Variants in GCN1 observed in about 807,000 individuals in gnomAD.
GCN1 encodes GCN1 activator of EIF2AK4.
Under a neutral mutation model 288.4 loss-of-function variants are expected in GCN1, and 90 were observed. The ratio of observed to expected loss-of-function variants is 0.31; its 90% CI spans 0.26 to 0.37. GCN1 has a LOEUF of 0.37. Ranked by LOEUF, GCN1 falls within the 10% of genes least tolerant of loss-of-function variation. The pLI is 1.00. For synonymous variants in GCN1, 1,386 were observed against 1,420.2 expected (o/e 0.98, Z 0.54); for missense variants, 2,586 against 3,419.9 (o/e 0.76, Z 6.08).
In GCN1 at chr12:120,156,665, G is replaced by A; in HGVS notation, c.3169-61C>T. 6.5e-7 allele frequency: 1 copy of A among 1,548,112 alleles called. No homozygotes were observed. Among genetic ancestry groups the A allele is most frequent in the Non-Finnish European group, 8.9e-7 (1 of 1,124,860 alleles). On this transcript the variant is annotated intron_variant, in intron 27 of 57. Coordinates refer to ENST00000300648, the MANE Select transcript of GCN1 (RefSeq NM_006836.2). The surrounding 1 kb of genome is among the most constrained non-coding windows in gnomAD (Gnocchi z 5.8). ...ACTCATTTACTACTAGGGGGCCAGA[G>A]AGGGATATGCACTGAGAACACCCAC...
chr12:120,130,748 G>T lies in GCN1; in HGVS notation c.7569C>A (p.Pro2523=). 1 of 1,608,244 alleles carries T rather than the reference G, an allele frequency of 6.2e-7. No homozygotes were observed. The highest frequency in any genetic ancestry group is 8.5e-7 in the Non-Finnish European group (1 of 1,174,926). ...TGCCCCGGACCCCGCTCACCGCAAT[G>T]GGGATCTGTGGAGAACAGACAGCGC... ...ILSSATADRI[P]IAVSGVRGMG... Residue 2523 remains proline (P), a synonymous_variant, in exon 56 of 58, where the codon CCC becomes CCA. Transcript: ENST00000300648.
rs1365185162 is a variant in GCN1 at position 120,142,695 on chromosome 12, G to A, written c.5641C>T (p.Arg1881Trp). 1.2e-6 allele frequency: 2 copies of A among 1,614,050 alleles called. No homozygotes were observed. Among genetic ancestry groups the A allele is most frequent in the Non-Finnish European group, 8.5e-7 (1 of 1,180,014 alleles). ...KAIITALGVE[R>W]RNRVLAGLYM... ...AGCCCTGCCAACACCCGGTTCCGCC[G>A]CTCTACCCCCAGGGCAGTGATGATC... Residue 1881 changes from arginine to tryptophan, a missense_variant, in exon 44 of 58, where the codon CGG becomes TGG. Arg to Trp is a moderately radical substitution (Grantham distance 101, BLOSUM62 -3). This residue lies in a region of GCN1 where 437 missense variants were observed against 570.5 expected (regional missense o/e 0.77). Coordinates refer to ENST00000300648, the MANE Select transcript of GCN1 (RefSeq NM_006836.2). This position sits in a 1 kb window ranked among gnomAD's most constrained non-coding sequence, Gnocchi z 4.9.
chr12:120,149,770 G>A, intron 35 of GCN1, 50 bp from the exon 36 acceptor site: 1 of 1,553,242 alleles, frequency 6.4e-7, no homozygotes. Flanking sequence ...CAAGCAAGGG[G>A]CAAGGCCTGA....
In GCN1 at chr12:120,127,727, G is replaced by A; in HGVS notation, c.*122C>T. 9.2e-7 allele frequency: 1 copy of A among 1,081,968 alleles called. No individual in the cohort carries two copies. Among genetic ancestry groups the A allele is most frequent in the Non-Finnish European group, 1.4e-6 (1 of 737,414 alleles). 67.0% of individuals were successfully genotyped at this position (1,081,968 alleles called of 1,614,324 possible). On this transcript the variant is annotated 3_prime_UTR_variant, in exon 58 of 58. Transcript: ENST00000300648. ...TTTAAGGCTTTGGCTGTGGTCTATTGATATTAAAATACTTTCTGGGAACGC... is the reference window on the plus strand; with the variant it reads ...TTTAAGGCTTTGGCTGTGGTCTATTAATATTAAAATACTTTCTGGGAACGC...
intron 14 of GCN1, among the ~76,000 whole-genome samples, chr12:120,173,054 A>C (rs1206726261): frequency 6.9e-6 from 1 of 145,816 alleles, no homozygotes; most frequent in African/African-American, 2.6e-5. Context: ...TTTTTAAACC[A>C]GTCTTTTTTT....
intron 44 of GCN1, among the ~76,000 whole-genome samples, chr12:120,141,677 T>G (rs1877201566): frequency 6.6e-6 from 1 of 152,192 alleles, no homozygotes; most frequent in South Asian, 2.1e-4. Flanking sequence ...CCTCTGCATA[T>G]CCTGTCTTTG....
rs1485153074 is a variant in GCN1 at position 120,134,793 on chromosome 12, C to T, written c.7009-67G>A. The T allele has an allele frequency of 9.6e-6, 13 of 1,353,204 alleles. No individual in the cohort carries two copies. The highest frequency in any genetic ancestry group is 1.7e-5 in the Admixed American group (1 of 57,998). The allele number at this position is 1,353,204 out of a possible 1,614,324, so 83.8% of individuals were successfully genotyped here. A position where few individuals can be genotyped will look rare whatever the true frequency, so the allele number is the denominator to read the frequency against. ...ACCCAAAGCCACAGTGTACCACAGG[C>T]ATGAGAACAAATGACAATCCCAAAC... On this transcript the variant is annotated intron_variant, in intron 51 of 57. Transcript: ENST00000300648. The surrounding 1 kb of genome is among the most constrained non-coding windows in gnomAD (Gnocchi z 5.0).
chr12:120,182,148 C>G (rs901311047), intron 5 of GCN1, among the ~76,000 whole-genome samples: 2 of 148,326 alleles, frequency 1.3e-5, no homozygotes, highest in African/African-American at 5.0e-5. Context: ...CACTCTGTCT[C>G]TCAAAGAAAA....
chr12:120,162,487 G>C (rs1328542192), intron 20 of GCN1, among the ~76,000 whole-genome samples: 1 of 152,216 alleles, frequency 6.6e-6, no homozygotes, highest in Non-Finnish European at 1.5e-5. Flanking sequence ...ACAAAGCCTG[G>C]AACTCTAGCA....
In GCN1 at chr12:120,145,255, G is replaced by C. The variant is rs769397693; in HGVS notation, c.5016+7C>G. 6.5e-5 allele frequency: 104 copies of C among 1,595,020 alleles called. No individual in the cohort carries two copies. Among genetic ancestry groups the C allele is most frequent in the Non-Finnish European group, 8.3e-5 (97 of 1,170,252 alleles). ...CTGGCCCATCCCCCAGCCTACCTCA[G>C]ACTCACCTCAGGCACAGGGTCCAAA... is the stretch of plus-strand genomic sequence containing the variant. On this transcript the variant is annotated splice_region_variant and intron_variant, in intron 39 of 57. Coordinates refer to ENST00000300648, the MANE Select transcript of GCN1 (RefSeq NM_006836.2).
At chr12:120,166,360 C>G (rs1878123664) in intron 16 of GCN1, among the ~76,000 whole-genome samples, 1 of 140,550 alleles carries the variant, frequency 7.1e-6, no homozygotes, top group Non-Finnish European at 1.5e-5. Flanking sequence ...GCAGAGATTG[C>G]ACCACTGCAC....
At chr12:120,148,456 G>T in intron 36 of GCN1, 110 bp from the exon 37 acceptor site, 1 of 858,614 alleles carries the variant, frequency 1.2e-6, no homozygotes, top group Non-Finnish European at 1.8e-6. Context: ...TGCAGACGGT[G>T]CTCAAGCAGT....
chr12:120,134,656 T>C lies in GCN1; in HGVS notation c.7079A>G (p.Asn2360Ser). ...TTFTKALQDS[N>S]RGVRLKAADA... ...TGCGGCCTTCAGGCGCACCCCCCGGTTGGAGTCCTGCAGGGCTTTGGTGAA... is the reference window on the plus strand; with the variant it reads ...TGCGGCCTTCAGGCGCACCCCCCGGCTGGAGTCCTGCAGGGCTTTGGTGAA... Residue 2360 changes from asparagine (N) to serine (S), a missense_variant, in exon 52 of 58, where the codon AAC (asparagine) becomes AGC (serine). Physicochemically the swap from Asn to Ser is conservative, Grantham distance 46 (BLOSUM62 1). This residue lies in a region of GCN1 where 355 missense variants were observed against 431.1 expected (regional missense o/e 0.82). Transcript: ENST00000300648. This position sits in a 1 kb window ranked among gnomAD's most constrained non-coding sequence, Gnocchi z 5.0. The C allele has an allele frequency of 6.2e-7, 1 of 1,613,780 alleles. No homozygotes were observed.
chr12:120,148,945 G>T (rs1315910461), intron 36 of GCN1, among the ~76,000 whole-genome samples: 1 of 151,774 alleles, frequency 6.6e-6, no homozygotes, highest in African/African-American at 2.4e-5. Context: ...TCAGCCTCCT[G>T]AGTAGCTGGG....
chr12:120,156,693 C>A lies in GCN1; in HGVS notation c.3169-89G>T. ...GGATATGCACTGAGAACACCCACCC[C>A]TACAGCACTGCAAGGGCTAAGACCC... On this transcript the variant is annotated intron_variant, in intron 27 of 57. Coordinates refer to ENST00000300648, the MANE Select transcript of GCN1 (RefSeq NM_006836.2). This position sits in a 1 kb window ranked among gnomAD's most constrained non-coding sequence, Gnocchi z 5.8. 2 of 1,331,328 alleles carry A rather than the reference C, an allele frequency of 1.5e-6. No individual in the cohort carries two copies. The highest frequency in any genetic ancestry group is 1.1e-6 in the Non-Finnish European group (1 of 942,540). The allele number at this position is 1,331,328 out of a possible 1,614,324, so 82.5% of individuals were successfully genotyped here.
Position 120,137,398 on chromosome 12 carries a change from G to T in GCN1, c.6664-79C>A. 1 of 1,417,888 alleles carries T rather than the reference G, an allele frequency of 7.1e-7. No homozygotes were observed. The highest frequency in any genetic ancestry group is 9.9e-7 in the Non-Finnish European group (1 of 1,005,462). 87.8% of individuals were successfully genotyped at this position (1,417,888 alleles called of 1,614,324 possible). A position where few individuals can be genotyped will look rare whatever the true frequency, so the allele number is the denominator to read the frequency against. ...CCAAAGAATATATGGGGAAAGCGTG[G>T]GCGGGAGTATAAACAAGACTTGCCA... On this transcript the variant is annotated intron_variant, in intron 49 of 57. Transcript: ENST00000300648. The surrounding 1 kb of genome is among the most constrained non-coding windows in gnomAD (Gnocchi z 5.2).
At chr12:120,163,646 G>A (rs1878007853) in intron 18 of GCN1, among the ~76,000 whole-genome samples, 1 of 152,084 alleles carries the variant, frequency 6.6e-6, no homozygotes, top group Admixed American at 6.5e-5. Context: ...CCTCCGTCGG[G>A]GGAGACCCTG....
Position 120,134,206 on chromosome 12 carries a change from C to A in GCN1, c.7317+85G>T. 1.2e-6 allele frequency: 1 copy of A among 864,004 alleles called. No individual in the cohort carries two copies. 53.5% of individuals were successfully genotyped at this position (864,004 alleles called of 1,614,324 possible). A position where few individuals can be genotyped will look rare whatever the true frequency, so the allele number is the denominator to read the frequency against. On this transcript the variant is annotated intron_variant, in intron 53 of 57. Transcript: ENST00000300648. This position sits in a 1 kb window ranked among gnomAD's most constrained non-coding sequence, Gnocchi z 5.0. ...TTATTACTACTGAGCTGTACTGGTT[C>A]TAACACAAAGTGAAGAACTCAACCT... is the stretch of plus-strand genomic sequence containing the variant.
At chr12:120,167,352 CAAAAA>C (rs58505091) in intron 16 of GCN1, among the ~76,000 whole-genome samples, 2 of 73,016 alleles carry the variant, frequency 2.7e-5, no homozygotes, top group African/African-American at 4.6e-5. Context: ...AACTCCATCT[CAAAAA>C]AAAAAAAAAA....
Sources: allele counts gnomAD v4.1 joint callset (sites outside exome capture counted in the v4.1 genomes callset), GRCh38; gene constraint gnomAD v4.1.1; regional missense constraint gnomAD v4.1.1; non-coding constraint Gnocchi (gnomAD v3.1); transcripts MANE v1.5; gene names NCBI Gene and HGNC (gene_info 2026-07-23, HGNC 2026-07-21).